HCK: variants seen among roughly 807,000 people sequenced by gnomAD.
The protein encoded by HCK is tyrosine-protein kinase HCK.
In HCK, 40 loss-of-function variants were observed where a neutral mutation model predicts 70.4. The observed-to-expected ratio is 0.57, with a 90% CI of 0.44 to 0.74. HCK has a LOEUF of 0.74. Among genes scored for constraint, HCK ranks in the 30% least tolerant of loss-of-function variants. The pLI is 0.00. For synonymous variants in HCK, 245 were observed against 263.2 expected (o/e 0.93, Z 0.67); for missense variants, 568 against 697.2 (o/e 0.81, Z 2.09).
intron 10 of HCK, among the ~76,000 whole-genome samples, chr20:32,092,188 G>A (rs2045873847): frequency 6.6e-6 from 1 of 152,076 alleles, no homozygotes; most frequent in Admixed American, 6.6e-5. Context: ...CCCAGCTGCA[G>A]TCTGCCGGAG....
chr20:32,094,122 G>A, intron 11 of HCK, 106 bp downstream of exon 11: 3 of 1,038,652 alleles, frequency 2.9e-6, no homozygotes, highest in Non-Finnish European at 4.3e-6. Context: ...GACTGCCCCA[G>A]TACTAGCTGT....
At chr20:32,053,580 G>A (rs1178526029) in intron 1 of HCK, among the ~76,000 whole-genome samples, 4 of 146,490 alleles carry the variant, frequency 2.7e-5, no homozygotes, top group South Asian at 4.3e-4. Context: ...GGAGGTTGCG[G>A]TGAGCCGAGA....
chr20:32,090,925 C>T (rs2045856035), intron 10 of HCK, among the ~76,000 whole-genome samples: 1 of 152,180 alleles, frequency 6.6e-6, no homozygotes, highest in Admixed American at 6.5e-5. Context: ...GCACTGGGAG[C>T]CACTCTTTAA....
At chr20:32,094,789 GAAAGAAAGAAAGAAAGA>G (rs1385169725) in intron 11 of HCK, among the ~76,000 whole-genome samples, 39 of 20,098 alleles carry the variant, frequency 1.9e-3, no homozygotes, top group African/African-American at 3.4e-3. Flanking sequence ...GAGAGAAAGA[GAAAGAAAGAAAGAAAGA>G]AAGAAAGAAA....
chr20:32,087,728 A>G (rs242613), intron 9 of HCK, among the ~76,000 whole-genome samples: 70,079 of 151,554 alleles, frequency 0.46, 19,083 homozygotes, highest in African/African-American at 0.77. Flanking sequence ...TGCAAGCTCC[A>G]CCTACCAGGT....
intron 1 of HCK, among the ~76,000 whole-genome samples, chr20:32,069,087 G>A (rs1029986829): frequency 3.3e-5 from 5 of 152,166 alleles, no homozygotes; most frequent in Non-Finnish European, 7.3e-5. Flanking sequence ...ATGATCCGGG[G>A]CAGTGTCACG....
At chr20:32,073,855 C>A in intron 4 of HCK, 37 bp downstream of exon 4, 3 of 1,215,066 alleles carry the variant, frequency 2.5e-6, no homozygotes, top group South Asian at 2.6e-5. Context: ...GACAGACCTG[C>A]CTCCTCTACT....
intron 1 of HCK, among the ~76,000 whole-genome samples, chr20:32,062,101 G>A (rs897741854): frequency 3.3e-5 from 5 of 151,714 alleles, no homozygotes; most frequent in African/African-American, 1.2e-4. Context: ...CACCATGCCC[G>A]CCTAATTTTT....
chr20:32,060,221 T>G (rs2045348014), intron 1 of HCK, among the ~76,000 whole-genome samples: 1 of 152,130 alleles, frequency 6.6e-6, no homozygotes, highest in Middle Eastern at 3.4e-3. Context: ...TTTCTTTTTG[T>G]TTGTTTGTTT....
At chr20:32,076,287 C>T (rs1056146367) in intron 5 of HCK, among the ~76,000 whole-genome samples, 2 of 152,106 alleles carry the variant, frequency 1.3e-5, no homozygotes, top group Non-Finnish European at 2.9e-5. Context: ...AATATCATGC[C>T]ACTGCACTCC....
In HCK at chr20:32,073,594, C is replaced by T. The variant is rs533804364; in HGVS notation, c.227-122C>T. 1.3e-4 allele frequency: 90 copies of T among 691,946 alleles called. 3 individuals are homozygous for T. In the South Asian group the frequency reaches 1.6e-3, roughly 12 times the overall value. The allele number at this position is 691,946 out of a possible 1,614,324, so 42.9% of individuals were successfully genotyped here. On this transcript the variant is annotated intron_variant, in intron 3 of 12. Coordinates refer to ENST00000375852, the MANE Select transcript of HCK (RefSeq NM_002110.5). ...AATCACACCCAGCATGGTGAGACGC[C>T]TACTTATACTTGGAACCACATATCG...
At chr20:32,090,295 A>G (rs2122601251) in intron 10 of HCK, among the ~76,000 whole-genome samples, 1 of 152,284 alleles carries the variant, frequency 6.6e-6, no homozygotes, top group African/African-American at 2.4e-5. Context: ...CTGGGCCTTC[A>G]TCTGTCCAGA....
At chr20:32,093,188 G>A (rs193297807) in intron 10 of HCK, among the ~76,000 whole-genome samples, 9 of 152,150 alleles carry the variant, frequency 5.9e-5, no homozygotes, top group African/African-American at 1.9e-4. Context: ...CAAGTGATCC[G>A]CCCACCTCGG....
Position 32,072,563 on chromosome 20 carries a change from T to TAAAAAAAAAA in HCK, c.184-738_184-729dup, listed in dbSNP as rs199684278. On this transcript the variant is annotated intron_variant, in intron 2 of 12. Transcript: ENST00000375852. Reference sequence around the variant, plus strand: ...GCAATACAGGGAGACCCTGTCTCTTTAAAAAAAAAAAAAAAAAAAAAAAAA... The same window carrying TAAAAAAAAAA: ...GCAATACAGGGAGACCCTGTCTCTTTAAAAAAAAAAAAAAAAAAAAAAAAAAAAAAAAAAA... The TAAAAAAAAAA allele has an allele frequency of 3.5e-3, 222 of 63,130 alleles. 4 individuals are homozygous for TAAAAAAAAAA. The highest frequency in any genetic ancestry group is 0.015 in the African/African-American group (212 of 13,756). The allele number at this position is 63,130 out of a possible 1,614,324, so 3.9% of individuals were successfully genotyped here.
chr20:32,053,170 C>T (rs2045207910), intron 1 of HCK, among the ~76,000 whole-genome samples: 1 of 152,034 alleles, frequency 6.6e-6, no homozygotes, highest in Admixed American at 6.6e-5. Context: ...TTGGAGTATG[C>T]GAGAGGTGGT....
At chr20:32,073,394 T>C (rs1373302149) in intron 3 of HCK, 33 bp downstream of exon 3, 2 of 1,592,682 alleles carry the variant, frequency 1.3e-6, no homozygotes, top group Admixed American at 1.7e-5. Context: ...AGTGGAGTCA[T>C]GTGTCCTGCA....
chr20:32,083,734 C>T (rs1430057423), intron 6 of HCK, among the ~76,000 whole-genome samples, 160 bp from the exon 7 acceptor site: 1 of 152,192 alleles, frequency 6.6e-6, no homozygotes, highest in African/African-American at 2.4e-5. Flanking sequence ...TGGATGAGAG[C>T]CCAGGATGCC....
intron 11 of HCK, among the ~76,000 whole-genome samples, chr20:32,096,110 G>A (rs1490598158): frequency 4.0e-5 from 6 of 151,666 alleles, no homozygotes; most frequent in African/African-American, 9.7e-5. Context: ...GGCTGGTCTC[G>A]AACTGATGAC....
At chr20:32,094,775 A>AG (rs769881933) in intron 11 of HCK, among the ~76,000 whole-genome samples, 3 of 117,174 alleles carry the variant, frequency 2.6e-5, no homozygotes, top group African/African-American at 1.1e-4. Flanking sequence ...GAAAGAAAGA[A>AG]AGAGAGAGAA....
Sources: allele counts gnomAD v4.1 joint callset (sites outside exome capture counted in the v4.1 genomes callset), GRCh38; gene constraint gnomAD v4.1.1; transcripts MANE v1.5; gene names NCBI Gene and HGNC (gene_info 2026-07-23, HGNC 2026-07-21).